INPP4B: variants seen among roughly 807,000 people sequenced by gnomAD.
INPP4B encodes inositol polyphosphate-4-phosphatase type II B, also known as inositol polyphosphate 4-phosphatase type II.
A neutral mutation model predicts 122.5 loss-of-function variants in INPP4B; 55 were observed. The observed-to-expected ratio is 0.45, with a 90% CI of 0.36 to 0.56. The LOEUF (loss-of-function observed/expected upper bound fraction) is 0.56, where lower values mean the gene tolerates loss of function less well. INPP4B is among the 20% of genes least tolerant of loss of function. The pLI is 0.00. For synonymous variants in INPP4B, 403 were observed against 388.7 expected (o/e 1.04, Z -0.43); for missense variants, 1,000 against 1,097.7 (o/e 0.91, Z 1.26).
chr4:142,604,955 C>T (rs1740907753), intron 2 of INPP4B, among the ~76,000 whole-genome samples: 1 of 152,082 alleles, frequency 6.6e-6, no homozygotes, highest in African/African-American at 2.4e-5. Flanking sequence ...ATCACACTAC[C>T]TAATTTCAAA....
chr4:142,708,688 T>C (rs1195996744), intron 2 of INPP4B, among the ~76,000 whole-genome samples: 1 of 152,118 alleles, frequency 6.6e-6, no homozygotes, highest in Non-Finnish European at 1.5e-5. Flanking sequence ...AGAGAATGTA[T>C]AGAAACACCT....
chr4:142,588,646 G>T (rs1447940459), intron 2 of INPP4B, among the ~76,000 whole-genome samples: 1 of 150,888 alleles, frequency 6.6e-6, no homozygotes, highest in East Asian at 1.9e-4. Context: ...TATGTATGAG[G>T]TCTATATGCA....
intron 14 of INPP4B, 105 bp from the exon 15 acceptor site, chr4:142,193,300 T>C (rs1045633475): frequency 4.5e-5 from 29 of 647,030 alleles, no homozygotes; most frequent in Admixed American, 3.3e-4. Context: ...GAAATTATTC[T>C]GTTTAATTTT....
At chr4:142,190,717 A>AGTGTGT (rs374099702) in intron 15 of INPP4B, among the ~76,000 whole-genome samples, 5,933 of 143,926 alleles carry the variant, frequency 0.041, 130 homozygotes, top group Middle Eastern at 0.055. Flanking sequence ...GATCTGTAAG[A>AGTGTGT]GTGTGTGTGT....
At chr4:142,081,866 G>C (rs911068026) in intron 25 of INPP4B, among the ~76,000 whole-genome samples, 165 bp downstream of exon 25, 2 of 151,856 alleles carry the variant, frequency 1.3e-5, no homozygotes. Context: ...TCATTATACA[G>C]GTGGAGAAAA....
At chr4:142,107,474 G>C (rs1787739124) in intron 23 of INPP4B, among the ~76,000 whole-genome samples, 1 of 152,062 alleles carries the variant, frequency 6.6e-6, no homozygotes, top group South Asian at 2.1e-4. Flanking sequence ...ATTTTGGACT[G>C]CTCAAATGTT....
At chr4:142,779,550 T>G (rs1680209976) in intron 1 of INPP4B, among the ~76,000 whole-genome samples, 1 of 152,098 alleles carries the variant, frequency 6.6e-6, no homozygotes, top group Non-Finnish European at 1.5e-5. Flanking sequence ...CTATTATTAT[T>G]TATTATTTTG....
chr4:142,268,334 A>AAAAAAAAAAAAAAAAAAAAAAC (rs1743952290), intron 10 of INPP4B, among the ~76,000 whole-genome samples: 1 of 140,368 alleles, frequency 7.1e-6, no homozygotes, highest in Non-Finnish European at 1.6e-5. Context: ...AAAAAAAAAA[A>AAAAAAAAAAAAAAAAAAAAAAC]AAAAAAAAAA....
At chr4:142,467,528 G>GT (rs750884339) in intron 2 of INPP4B, among the ~76,000 whole-genome samples, 112 of 148,688 alleles carry the variant, frequency 7.5e-4, no homozygotes, top group East Asian at 2.2e-3. Context: ...TAAATAACTA[G>GT]TTTTTTTTTT....
intron 11 of INPP4B, among the ~76,000 whole-genome samples, chr4:142,247,707 G>T (rs538729178): frequency 2.6e-4 from 40 of 152,044 alleles, no homozygotes; most frequent in African/African-American, 9.4e-4. Context: ...CTGGCTGGTG[G>T]TCCATCTATT....
intron 1 of INPP4B, among the ~76,000 whole-genome samples, chr4:142,836,931 C>T (rs1005432981): frequency 6.6e-6 from 1 of 151,710 alleles, no homozygotes; most frequent in African/African-American, 2.4e-5. Flanking sequence ...TTTGGGAGGC[C>T]GAGGCGGGTG....
intron 9 of INPP4B, among the ~76,000 whole-genome samples, chr4:142,279,555 A>C (rs975621985): frequency 6.6e-6 from 1 of 151,844 alleles, no homozygotes; most frequent in Admixed American, 6.6e-5. Context: ...AAAAAAAATA[A>C]ACTCTGCTTA....
At chr4:142,830,203 A>G (rs1272071935) in intron 1 of INPP4B, among the ~76,000 whole-genome samples, 1 of 152,232 alleles carries the variant, frequency 6.6e-6, no homozygotes, top group Non-Finnish European at 1.5e-5. Context: ...GATATTTTAT[A>G]TTCAAAAATT....
In INPP4B at chr4:142,086,460, C is replaced by T. The variant is rs1578852685; in HGVS notation, c.2375-204G>A. 2.0e-5 allele frequency among the ~76,000 whole-genome samples: 3 copies of T among 152,088 alleles called. No individual in the cohort carries two copies. The East Asian group carries it at 5.8e-4, about 29-fold the overall frequency. ...CCTCAATTTCCCAGACTCAAGTGATCCTCCCACCTCAGTGCCCAAAGTGGC... is the reference window on the plus strand; with the variant it reads ...CCTCAATTTCCCAGACTCAAGTGATTCTCCCACCTCAGTGCCCAAAGTGGC... On this transcript the variant is annotated intron_variant, in intron 23 of 25. Coordinates refer to ENST00000262992, the MANE Select transcript of INPP4B (RefSeq NM_001101669.3).
intron 11 of INPP4B, among the ~76,000 whole-genome samples, chr4:142,257,943 C>T (rs1287962160): frequency 6.6e-6 from 1 of 152,206 alleles, no homozygotes; most frequent in Non-Finnish European, 1.5e-5. Flanking sequence ...CACTACCTGA[C>T]TTCAGACTAT....
At chr4:142,429,362 A>T (rs1808801722) in intron 4 of INPP4B, 145 bp from the exon 5 acceptor site, 1 of 552,802 alleles carries the variant, frequency 1.8e-6, no homozygotes, top group Non-Finnish European at 3.3e-6. Flanking sequence ...CAGGGTTATA[A>T]ATAATCAGTT....
chr4:142,823,012 C>T (rs1780984163), intron 1 of INPP4B, among the ~76,000 whole-genome samples: 1 of 152,110 alleles, frequency 6.6e-6, no homozygotes, highest in African/African-American at 2.4e-5. Flanking sequence ...CAAAAGGTAT[C>T]TGTAATCATA....
intron 9 of INPP4B, among the ~76,000 whole-genome samples, chr4:142,271,375 C>G (rs1463841594): frequency 6.6e-6 from 1 of 152,132 alleles, no homozygotes; most frequent in East Asian, 1.9e-4. Context: ...TGTCATAGAT[C>G]AATACCCCAT....
chr4:142,438,825 AATTT>A (rs1322234546), intron 3 of INPP4B, among the ~76,000 whole-genome samples: 3 of 152,210 alleles, frequency 2.0e-5, no homozygotes, highest in African/African-American at 7.2e-5. Flanking sequence ...TAATTTTCAG[AATTT>A]ACAAGGAACT....
Sources: allele counts gnomAD v4.1 joint callset (sites outside exome capture counted in the v4.1 genomes callset), GRCh38; gene constraint gnomAD v4.1.1; transcripts MANE v1.5; gene names NCBI Gene and HGNC (gene_info 2026-07-23, HGNC 2026-07-21).